Variants in GLTP observed in about 807,000 individuals in gnomAD.
GLTP encodes the protein glycolipid transfer protein.
A neutral mutation model predicts 24.0 loss-of-function variants in GLTP; 22 were observed. The observed-to-expected ratio is 0.92, with a 90% CI of 0.65 to 1.31. GLTP has a LOEUF of 1.31. Among genes scored for constraint, GLTP ranks in the 50% most tolerant of loss-of-function variants. The pLI is 0.00. For missense variants in GLTP, 224 were observed against 276.6 expected (o/e 0.81, Z 1.35); for synonymous variants, 92 against 115.9 (o/e 0.79, Z 1.33).
intron 1 of GLTP, among the ~76,000 whole-genome samples, chr12:109,878,860 A>G (rs1054605774): frequency 4.6e-5 from 7 of 152,222 alleles, no homozygotes; most frequent in Non-Finnish European, 8.8e-5. Flanking sequence ...CAGGTCTGGG[A>G]ATCATACACA....
At chr12:109,867,750 C>G (rs1868574345) in intron 1 of GLTP, among the ~76,000 whole-genome samples, 1 of 151,746 alleles carries the variant, frequency 6.6e-6, no homozygotes, top group African/African-American at 2.4e-5. Flanking sequence ...GTGGCACAAT[C>G]ACAGCTCACT....
intron 1 of GLTP, among the ~76,000 whole-genome samples, chr12:109,865,403 G>A (rs1355726725): frequency 6.6e-6 from 1 of 152,086 alleles, no homozygotes; most frequent in Non-Finnish European, 1.5e-5. Flanking sequence ...GAGGCGGGCG[G>A]ATCACCTGAG....
chr12:109,858,819 T>C (rs917263358), intron 1 of GLTP, 78 bp from the exon 2 acceptor site: 36 of 922,314 alleles, frequency 3.9e-5, no homozygotes, highest in Non-Finnish European at 5.8e-5. Context: ...CATGGGGACA[T>C]GGAAGGGTGG....
At chr12:109,870,525 C>T (rs1868687784) in intron 1 of GLTP, among the ~76,000 whole-genome samples, 1 of 151,890 alleles carries the variant, frequency 6.6e-6, no homozygotes, top group African/African-American at 2.4e-5. Flanking sequence ...ATCATTTATG[C>T]TTATTATTAT....
chr12:109,857,547 A>C lies in GLTP; in HGVS notation c.275T>G (p.Leu92Arg). Reference protein sequence around the residue: ...GAEWPKVGATLALMWLKRGLR... With the variant: ...GAEWPKVGATRALMWLKRGLR... ...TCACCTTTTCAGCCACATCAGCGCCAGTGTGGCCCCTACTTTGGGCCACTC... is the reference window on the plus strand; with the variant it reads ...TCACCTTTTCAGCCACATCAGCGCCCGTGTGGCCCCTACTTTGGGCCACTC... The change falls in exon 3 of 5, where the codon CTG (leucine) becomes CGG (arginine). Residue 92 changes from leucine (L) to arginine (R), a missense_variant. By Grantham distance (102) the Leu-to-Arg change is moderately radical (BLOSUM62 -2). Transcript: ENST00000318348. The surrounding 1 kb of genome is among the most constrained non-coding windows in gnomAD (Gnocchi z 4.3). The C allele has an allele frequency of 1.2e-6, 2 of 1,613,718 alleles. No homozygotes were observed. Among genetic ancestry groups the C allele is most frequent in the Non-Finnish European group, 1.7e-6 (2 of 1,180,016 alleles).
Position 109,857,483 on chromosome 12 carries a change from C to G in GLTP, c.296+43G>C, listed in dbSNP as rs751548727. 1.2e-6 allele frequency: 2 copies of G among 1,606,440 alleles called. No homozygotes were observed. Among genetic ancestry groups the G allele is most frequent in the South Asian group, 2.2e-5 (2 of 90,672 alleles). On this transcript the variant is annotated intron_variant, in intron 3 of 4. Transcript: ENST00000318348. The surrounding 1 kb of genome is among the most constrained non-coding windows in gnomAD (Gnocchi z 4.3). ...AACAGTGACAGGTTTGCTTTCCCTC[C>G]TCTGCAGCACAGAGCCCAGGCCCTG...
Position 109,855,714 on chromosome 12 carries a change from C to T in GLTP, c.352G>A (p.Glu118Lys), listed in dbSNP as rs761084772. The change falls in exon 4 of 5, where the codon GAG becomes AAG. Residue 118 changes from glutamate to lysine, a missense_variant. Transcript: ENST00000318348. This position sits in a 1 kb window ranked among gnomAD's most constrained non-coding sequence, Gnocchi z 4.1. ...ACACGGATGAGGTTGGGGTGGTTCT[C>T]GTCCCGCTCCCCGTCGCAGATGCTC... The part of the protein sequence containing the change: ...LQSICDGERD[E>K]NHPNLIRVNA... 16 of 1,608,688 alleles carry T rather than the reference C, an allele frequency of 9.9e-6. No individual in the cohort carries two copies. Among genetic ancestry groups the T allele is most frequent in the African/African-American group, 1.3e-5 (1 of 74,270 alleles).
intron 3 of GLTP, among the ~76,000 whole-genome samples, chr12:109,856,788 G>A (rs1231134163): frequency 1.3e-5 from 2 of 152,120 alleles, no homozygotes; most frequent in Non-Finnish European, 2.9e-5. Context: ...GGCCGGGCAC[G>A]GTGCCTCACA....
intron 1 of GLTP, among the ~76,000 whole-genome samples, chr12:109,860,983 G>T (rs1435793070): frequency 6.6e-6 from 1 of 152,208 alleles, no homozygotes; most frequent in Non-Finnish European, 1.5e-5. Context: ...CCTTGTTGCG[G>T]TCCAGAAAAG....
rs747848712 is a variant in GLTP at position 109,852,740 on chromosome 12, TG to T, written c.448-4del. 482 of 1,605,566 alleles carry T rather than the reference TG, an allele frequency of 3.0e-4. No individual in the cohort carries two copies. The highest frequency in any genetic ancestry group is 3.8e-4 in the Non-Finnish European group (444 of 1,173,354). On this transcript the variant is annotated splice_polypyrimidine_tract_variant and splice_region_variant and intron_variant, in intron 4 of 4. Transcript: ENST00000318348. ...TAGGGTGCTGCGTACAGTGCTGCCT[TG>T]AGACAGGCAAGAAGGGAGGTAGGCA...
chr12:109,859,185 G>C (rs1476701878), intron 1 of GLTP, among the ~76,000 whole-genome samples: 1 of 152,162 alleles, frequency 6.6e-6, no homozygotes, highest in Non-Finnish European at 1.5e-5. Flanking sequence ...CTCTGGAGTA[G>C]CTGGGAATAC....
At chr12:109,866,328 TCA>T (rs939756784) in intron 1 of GLTP, 6 of 152,250 alleles carry the variant, frequency 3.9e-5, no homozygotes, top group Non-Finnish European at 8.8e-5. Context: ...CTGGGCCAGT[TCA>T]CACCTCTTTA....
In GLTP at chr12:109,857,438, A is replaced by G. The variant is rs960226711; in HGVS notation, c.296+88T>C. 2.7e-6 allele frequency: 4 copies of G among 1,467,016 alleles called. No homozygotes were observed. In the African/African-American group the frequency reaches 5.6e-5, roughly 20 times the overall value. The allele number at this position is 1,467,016 out of a possible 1,614,324, so 90.9% of individuals were successfully genotyped here. On this transcript the variant is annotated intron_variant, in intron 3 of 4. Coordinates refer to ENST00000318348, the MANE Select transcript of GLTP (RefSeq NM_016433.4). This position sits in a 1 kb window ranked among gnomAD's most constrained non-coding sequence, Gnocchi z 4.3. ...GGAAGGGCTCGGAAGTGACCTTCCC[A>G]GCCTGAGCTGACACTGCGGAACAGT...
chr12:109,852,423 C>T lies in GLTP; in HGVS notation c.*132G>A. 2 of 533,234 alleles carry T rather than the reference C, an allele frequency of 3.8e-6. No individual in the cohort carries two copies. The highest frequency in any genetic ancestry group is 3.2e-5 in the East Asian group (1 of 31,428). The allele number at this position is 533,234 out of a possible 1,614,324, so 33.0% of individuals were successfully genotyped here. ...AAAAACGAGGGCTGTCCCCTGCAGA[C>T]TCTGGCAGGACCCTGGGCTGCTCTG... is the stretch of plus-strand genomic sequence containing the variant. On this transcript the variant is annotated 3_prime_UTR_variant, in exon 5 of 5. Coordinates refer to ENST00000318348, the MANE Select transcript of GLTP (RefSeq NM_016433.4).
chr12:109,870,500 T>C (rs1409338806), intron 1 of GLTP, among the ~76,000 whole-genome samples: 1 of 128,428 alleles, frequency 7.8e-6, no homozygotes, highest in Non-Finnish European at 1.7e-5. Context: ...TAAAATAAAA[T>C]AAAAAGAAGG....
intron 1 of GLTP, among the ~76,000 whole-genome samples, chr12:109,878,849 C>T (rs956733087): frequency 6.6e-6 from 1 of 152,146 alleles, no homozygotes; most frequent in Admixed American, 6.6e-5. Context: ...GGTTGCTTAC[C>T]CAGGTCTGGG....
At chr12:109,866,681 G>A (rs1390805576) in intron 1 of GLTP, among the ~76,000 whole-genome samples, 1 of 151,968 alleles carries the variant, frequency 6.6e-6, no homozygotes, top group Non-Finnish European at 1.5e-5. Flanking sequence ...AAATGTCACT[G>A]GTCCCCTCAA....
At chr12:109,872,933 C>T (rs1868768745) in intron 1 of GLTP, among the ~76,000 whole-genome samples, 1 of 152,182 alleles carries the variant, frequency 6.6e-6, no homozygotes, top group African/African-American at 2.4e-5. Flanking sequence ...ACCCGCAGAC[C>T]GCAGGCTGCA....
At chr12:109,879,330 T>C (rs1441844855) in intron 1 of GLTP, among the ~76,000 whole-genome samples, 1 of 152,184 alleles carries the variant, frequency 6.6e-6, no homozygotes, top group East Asian at 1.9e-4. Flanking sequence ...TTGCACCCTT[T>C]ACCCGGGACC....
Sources: gnomAD v4.1 joint callset for allele counts (sites outside exome capture counted in the v4.1 genomes callset) on GRCh38, gnomAD v4.1.1 for gene constraint, Gnocchi (gnomAD v3.1) non-coding constraint, MANE v1.5 for transcripts, NCBI Gene and HGNC (gene_info 2026-07-23, HGNC 2026-07-21) for gene names.